HEMK2: variants seen among roughly 807,000 people sequenced by gnomAD.
HEMK2 encodes HemK methyltransferase 2, ETF1 glutamine and histone H4 lysine.
chr21:28,579,388 CTCT>C, the HEMK2 span, among the ~76,000 whole-genome samples: 1 of 152,144 alleles, frequency 6.6e-6, no homozygotes, highest in South Asian at 2.1e-4. Flanking sequence ...AGGTTTGAAC[CTCT>C]TATTAGTTTC....
the HEMK2 span, among the ~76,000 whole-genome samples, chr21:28,610,121 C>T: frequency 6.6e-5 from 10 of 152,088 alleles, no homozygotes; most frequent in African/African-American, 1.9e-4. Context: ...TGTTTATAGT[C>T]ACGACAAAGG....
At chr21:28,691,497 G>T in the HEMK2 span, among the ~76,000 whole-genome samples, 2 of 152,112 alleles carry the variant, frequency 1.3e-5, no homozygotes, top group African/African-American at 4.8e-5. Flanking sequence ...TCATGACCCT[G>T]ATGGTCTCTG....
chr21:28,673,020 AAGAAAG>A, the HEMK2 span, among the ~76,000 whole-genome samples: 2 of 149,662 alleles, frequency 1.3e-5, no homozygotes, highest in African/African-American at 5.0e-5. Flanking sequence ...GAAAGAAAGA[AAGAAAG>A]AGAAAGGAGA....
chr21:28,632,560 A>G, the HEMK2 span, among the ~76,000 whole-genome samples: 8 of 152,368 alleles, frequency 5.3e-5, no homozygotes, highest in African/African-American at 1.9e-4. Context: ...TTTAGTAGAA[A>G]GAAGTGTTAG....
chr21:28,800,296 G>A, the HEMK2 span, among the ~76,000 whole-genome samples: 6 of 152,048 alleles, frequency 3.9e-5, no homozygotes, highest in Middle Eastern at 3.4e-3. Context: ...ATGGCTTCAC[G>A]TTGTAACAGA....
chr21:28,650,860 T>A, the HEMK2 span, among the ~76,000 whole-genome samples: 1 of 152,058 alleles, frequency 6.6e-6, no homozygotes, highest in Admixed American at 6.5e-5. Context: ...GAAGAGGCTA[T>A]GAAAGATATG....
chr21:28,864,447 G>C, the HEMK2 span, among the ~76,000 whole-genome samples: 1 of 152,072 alleles, frequency 6.6e-6, no homozygotes, highest in African/African-American at 2.4e-5. Flanking sequence ...CATTGCACCA[G>C]CTTAATCTTT....
chr21:28,882,437 T>C, the HEMK2 span, among the ~76,000 whole-genome samples: 12 of 152,206 alleles, frequency 7.9e-5, no homozygotes, highest in African/African-American at 2.4e-4. Flanking sequence ...AAGACTGTTA[T>C]ATTGATACAA....
chr21:28,683,175 CAA>C, the HEMK2 span, among the ~76,000 whole-genome samples: 4 of 151,730 alleles, frequency 2.6e-5, no homozygotes, highest in Admixed American at 2.6e-4. Context: ...CACACAAACA[CAA>C]GAGAACACTT....
the HEMK2 span, among the ~76,000 whole-genome samples, chr21:28,759,963 T>A: frequency 2.0e-5 from 3 of 152,286 alleles, no homozygotes; most frequent in Non-Finnish European, 4.4e-5. Flanking sequence ...ATGTAACTGG[T>A]CCTGCCTGGG....
the HEMK2 span, among the ~76,000 whole-genome samples, chr21:28,643,696 T>C: frequency 2.0e-5 from 3 of 152,148 alleles, no homozygotes; most frequent in Non-Finnish European, 2.9e-5. Flanking sequence ...CAGACACCTA[T>C]GCTGCAGCCT....
At chr21:28,686,195 G>GT in the HEMK2 span, among the ~76,000 whole-genome samples, 756 of 152,110 alleles carry the variant, frequency 5.0e-3, 6 homozygotes, top group African/African-American at 0.017. Context: ...TCACCATTAG[G>GT]TTTTTTGTTT....
chr21:28,662,468 A>G, the HEMK2 span, among the ~76,000 whole-genome samples: 68 of 152,286 alleles, frequency 4.5e-4, no homozygotes, highest in Admixed American at 1.7e-3. Context: ...CATGAAGCCA[A>G]TCACAGAAGG....
chr21:28,678,905 G>A, the HEMK2 span, among the ~76,000 whole-genome samples: 1 of 152,136 alleles, frequency 6.6e-6, no homozygotes, highest in East Asian at 1.9e-4. Context: ...CACTAAACAT[G>A]GAAAGGAATA....
the HEMK2 span, among the ~76,000 whole-genome samples, chr21:28,694,917 G>T: frequency 6.6e-6 from 1 of 151,096 alleles, no homozygotes; most frequent in Non-Finnish European, 1.5e-5. Flanking sequence ...AGAATGGCGT[G>T]AACCCAGGAG....
At chr21:28,641,575 C>A in the HEMK2 span, among the ~76,000 whole-genome samples, 1 of 152,174 alleles carries the variant, frequency 6.6e-6, no homozygotes, top group African/African-American at 2.4e-5. Flanking sequence ...AAAGGATTTA[C>A]CCCAATCTTC....
chr21:28,850,976 T>C, the HEMK2 span, among the ~76,000 whole-genome samples: 39,208 of 151,782 alleles, frequency 0.26, 5,778 homozygotes, highest in African/African-American at 0.4. Context: ...TGTGCCCAGA[T>C]GCATATATAC....
the HEMK2 span, among the ~76,000 whole-genome samples, chr21:28,825,455 A>G: frequency 2.0e-5 from 3 of 152,218 alleles, no homozygotes; most frequent in African/African-American, 7.2e-5. Context: ...AGCAGGCCAC[A>G]TTAGGCAGAG....
the HEMK2 span, among the ~76,000 whole-genome samples, chr21:28,757,982 A>G: frequency 6.6e-6 from 1 of 152,232 alleles, no homozygotes; most frequent in Non-Finnish European, 1.5e-5. Context: ...TGTTTATTAT[A>G]AATGAAAATT....
Sources: gnomAD v4.1 joint callset for allele counts (sites outside exome capture counted in the v4.1 genomes callset) on GRCh38, gnomAD v4.1.1 for gene constraint, MANE v1.5 for transcripts, NCBI Gene and HGNC (gene_info 2026-07-23, HGNC 2026-07-21) for gene names.